WDFY4: variants seen among roughly 807,000 people sequenced by gnomAD.
WDFY4 encodes WD repeat- and FYVE domain-containing protein 4.
In WDFY4, 169 loss-of-function variants were observed where a neutral mutation model predicts 351.9. The observed-to-expected ratio is 0.48, with a 90% confidence interval of 0.42 to 0.55. The LOEUF (loss-of-function observed/expected upper bound fraction) is 0.55. Ranked by LOEUF, WDFY4 falls within the 20% of genes least tolerant of loss-of-function variation. The probability of loss-of-function intolerance (pLI) is 0.00; values close to 1 mark genes in which losing one functional copy is unlikely to be tolerated. For missense variants in WDFY4, 3,803 were observed against 3,935.6 expected, an observed-to-expected ratio of 0.97 and a Z score of 0.90; for synonymous variants, 1,622 against 1,574.6, an observed-to-expected ratio of 1.03 and a Z score of -0.71.
At chr10:48,787,895 T>C (rs1253112414) in intron 20 of WDFY4, among the ~76,000 whole-genome samples, 3 of 25,602 alleles carry the variant, frequency 1.2e-4, no homozygotes, top group African/African-American at 5.6e-4. Flanking sequence ...CTTCTTCTCC[T>C]TCTTCTTCTT....
chr10:48,899,674 GA>G (rs201433975), intron 45 of WDFY4, among the ~76,000 whole-genome samples: 6 of 150,736 alleles, frequency 4.0e-5, no homozygotes, highest in East Asian at 1.9e-4. Context: ...AAGGGTGGGA[GA>G]AAAAAAAAGA....
At chr10:48,768,723 A>AGAGAGAGAG (rs1555000834) in intron 13 of WDFY4, among the ~76,000 whole-genome samples, 86 of 141,070 alleles carry the variant, frequency 6.1e-4, no homozygotes, top group African/African-American at 2.1e-3. Context: ...GGGAGAGGAG[A>AGAGAGAGAG]AGAGAGAGAG....
chr10:48,713,983 A>T (rs987386358), intron 2 of WDFY4, among the ~76,000 whole-genome samples: 1 of 152,238 alleles, frequency 6.6e-6, no homozygotes, highest in Admixed American at 6.5e-5. Context: ...TTCACTGATG[A>T]TAGCTAGGTA....
At chr10:48,904,806 C>T (rs1250044498) in intron 47 of WDFY4, among the ~76,000 whole-genome samples, 1 of 152,158 alleles carries the variant, frequency 6.6e-6, no homozygotes, top group African/African-American at 2.4e-5. Context: ...AGGGATGTAC[C>T]CGCCCAGCTT....
At chr10:48,747,482 T>C (rs1438208547) in intron 12 of WDFY4, among the ~76,000 whole-genome samples, 1 of 152,144 alleles carries the variant, frequency 6.6e-6, no homozygotes, top group East Asian at 1.9e-4. Context: ...CAATTAGATG[T>C]ATGTTTTACT....
intron 2 of WDFY4, among the ~76,000 whole-genome samples, chr10:48,719,118 A>T (rs7069001): frequency 0.65 from 99,401 of 152,152 alleles, 33,263 homozygotes; most frequent in East Asian, 0.91. Context: ...AGATTTCTGT[A>T]TAGCAAAACC....
chr10:48,714,967 G>A (rs960164298), intron 2 of WDFY4, among the ~76,000 whole-genome samples: 2 of 152,256 alleles, frequency 1.3e-5, no homozygotes, highest in Non-Finnish European at 2.9e-5. Flanking sequence ...AGGCAGAAGA[G>A]ACATTTCCAA....
intron 20 of WDFY4, among the ~76,000 whole-genome samples, chr10:48,787,874 CTTT>C (rs2066479778): frequency 1.2e-5 from 1 of 86,334 alleles, no homozygotes. Flanking sequence ...CTTCTTTCTT[CTTT>C]CTTTCTTCTT....
intron 35 of WDFY4, 64 bp from the exon 36 acceptor site, chr10:48,826,607 T>C: frequency 7.9e-7 from 1 of 1,269,522 alleles, no homozygotes; most frequent in Non-Finnish European, 1.1e-6. Context: ...GTAAACTGGA[T>C]CTGTATCTAA....
At chr10:48,782,455 G>T (rs2066259175) in intron 19 of WDFY4, among the ~76,000 whole-genome samples, 1 of 152,198 alleles carries the variant, frequency 6.6e-6, no homozygotes, top group Non-Finnish European at 1.5e-5. Flanking sequence ...AGTGTGGTTG[G>T]GTGAAGTGGT....
At chr10:48,918,181 G>A (rs2377649) in intron 47 of WDFY4, among the ~76,000 whole-genome samples, 82,680 of 152,036 alleles carry the variant, frequency 0.54, 24,792 homozygotes, top group East Asian at 1. Context: ...GGGAACAGAA[G>A]GAGCAAACAG....
intron 1 of WDFY4, among the ~76,000 whole-genome samples, chr10:48,701,412 C>A (rs1208191862): frequency 6.6e-6 from 1 of 152,148 alleles, no homozygotes; most frequent in African/African-American, 2.4e-5. Context: ...ACTTTCAATT[C>A]TTTTGGGTAT....
intron 39 of WDFY4, among the ~76,000 whole-genome samples, chr10:48,839,420 G>T (rs2068519571): frequency 6.6e-6 from 1 of 152,306 alleles, no homozygotes; most frequent in South Asian, 2.1e-4. Flanking sequence ...AGAGAGAAGG[G>T]TCTTCCCCAG....
At chr10:48,685,672 A>G (rs911718828) in intron 1 of WDFY4, among the ~76,000 whole-genome samples, 1 of 152,214 alleles carries the variant, frequency 6.6e-6, no homozygotes, top group Non-Finnish European at 1.5e-5. Flanking sequence ...TGAAACTTCT[A>G]GAACACTAAA....
intron 31 of WDFY4, 108 bp from the exon 32 acceptor site, chr10:48,817,137 T>C: frequency 1.6e-6 from 2 of 1,287,632 alleles, no homozygotes; most frequent in Middle Eastern, 2.3e-4. Flanking sequence ...TAATGTATCT[T>C]GTTGAAAGTC....
chr10:48,710,121 A>T (rs926801537), intron 2 of WDFY4, among the ~76,000 whole-genome samples, 155 bp downstream of exon 2: 1 of 152,198 alleles, frequency 6.6e-6, no homozygotes, highest in African/African-American at 2.4e-5. Context: ...GGGCCACTAT[A>T]ACAAAATGCC....
In WDFY4 at chr10:48,982,675, C is replaced by A. The variant is rs750358195; in HGVS notation, c.*100C>A. On this transcript the variant is annotated 3_prime_UTR_variant, in exon 62 of 62. Coordinates refer to ENST00000325239, the MANE Select transcript of WDFY4 (RefSeq NM_001394531.1). The stretch of plus-strand genomic sequence containing the variant: ...CTGCCTACAGAAGAAACCCCCAGGG[C>A]CTCCTTCCCCACAGTTCTCAAGGAA... 1.2e-5 allele frequency: 15 copies of A among 1,213,054 alleles called. No homozygotes were observed. The highest frequency in any genetic ancestry group is 1.5e-5 in the Non-Finnish European group (13 of 851,670). The allele number at this position is 1,213,054 out of a possible 1,614,324, so 75.1% of individuals were successfully genotyped here. A position where few individuals can be genotyped will look rare whatever the true frequency, so the allele number is the denominator to read the frequency against.
intron 47 of WDFY4, chr10:48,914,253 A>C: frequency 2.2e-6 from 3 of 1,345,606 alleles, no homozygotes; most frequent in Non-Finnish European, 3.0e-6. Flanking sequence ...ATAAGAAAAC[A>C]TCTGGTTAGG....
rs1491372100 is a variant in WDFY4, at chr10:48,800,731, T to TTTCTTTC, written c.4411-2553_4411-2552insCTTTCTT. Among the ~76,000 whole-genome samples, 6 of 56,410 alleles carry TTTCTTTC rather than the reference T, an allele frequency of 1.1e-4. No homozygotes were observed. In the East Asian group the frequency reaches 0.013, roughly 119 times the overall value. The allele number at this position is 56,410 out of a possible 152,430, so 37.0% of individuals were successfully genotyped here. A position where few individuals can be genotyped will look rare whatever the true frequency, so the allele number is the denominator to read the frequency against. On this transcript the variant is annotated intron_variant, in intron 24 of 61. Transcript: ENST00000325239. ...CTTTCTTTCTTTCTTTCATTCTTTC[T>TTTCTTTC]TTTTTTTTTTTTTTGTTTTGAGATG...
Sources: gnomAD v4.1 joint callset for allele counts (sites outside exome capture counted in the v4.1 genomes callset) on GRCh38, gnomAD v4.1.1 for gene constraint, MANE v1.5 for transcripts, NCBI Gene and HGNC (gene_info 2026-07-23, HGNC 2026-07-21) for gene names.